The following SPIDR variants were observed in gnomAD, a reference collection of about 807,000 sequenced individuals.
The protein encoded by SPIDR is scaffold protein involved in DNA repair.
In SPIDR, 93 loss-of-function variants were observed where a neutral mutation model predicts 104.6. The ratio of observed to expected loss-of-function variants is 0.89; its 90% CI spans 0.75 to 1.06. SPIDR has a LOEUF of 1.06. Among genes scored for constraint, SPIDR ranks in the 50% least tolerant of loss-of-function variants. The probability of loss-of-function intolerance (pLI) is 0.00; values close to 1 mark genes in which losing one functional copy is unlikely to be tolerated. For missense variants in SPIDR, 1,154 were observed against 1,111.2 expected (o/e 1.04, Z -0.55); for synonymous variants, 431 against 416.9 (o/e 1.03, Z -0.41).
At chr8:47,511,530 G>A (rs181363991) in intron 8 of SPIDR, 18 of 781,666 alleles carry the variant, frequency 2.3e-5, no homozygotes, top group African/African-American at 6.7e-5. Context: ...ACTGGGCATC[G>A]GATGGGTCTC....
At chr8:47,336,120 C>T (rs994114590) in intron 5 of SPIDR, among the ~76,000 whole-genome samples, 5 of 152,046 alleles carry the variant, frequency 3.3e-5, no homozygotes, top group Non-Finnish European at 7.4e-5. Context: ...TTCTTAGATA[C>T]TCTATTTTTT....
chr8:47,600,692 A>T (rs951378779), intron 10 of SPIDR, among the ~76,000 whole-genome samples: 31 of 152,192 alleles, frequency 2.0e-4, no homozygotes, highest in African/African-American at 7.5e-4. Flanking sequence ...AGACAGTTAC[A>T]CATCAGACAT....
At chr8:47,518,669 C>A (rs1426002529) in intron 8 of SPIDR, among the ~76,000 whole-genome samples, 1 of 150,264 alleles carries the variant, frequency 6.7e-6, no homozygotes, top group Non-Finnish European at 1.5e-5. Flanking sequence ...CGGAGTCTTG[C>A]TCTGTCGCCC....
intron 8 of SPIDR, among the ~76,000 whole-genome samples, chr8:47,575,521 C>T (rs1439361924): frequency 1.3e-5 from 2 of 151,382 alleles, no homozygotes; most frequent in East Asian, 3.9e-4. Context: ...GTAGTGGGCG[C>T]CTGTAGTCCC....
intron 10 of SPIDR, among the ~76,000 whole-genome samples, chr8:47,646,033 A>ATATATATGTATG (rs1277254768): frequency 1.3e-5 from 2 of 152,170 alleles, no homozygotes; most frequent in African/African-American, 4.8e-5. Flanking sequence ...CAAATTGAGA[A>ATATATATGTATG]TATATATGTA....
chr8:47,487,031 C>G (rs2077752224), intron 8 of SPIDR, among the ~76,000 whole-genome samples: 1 of 152,120 alleles, frequency 6.6e-6, no homozygotes. Flanking sequence ...GGGCTAAATG[C>G]TCCAATTAAA....
chr8:47,400,412 G>C (rs782122050), intron 6 of SPIDR, among the ~76,000 whole-genome samples: 16 of 152,246 alleles, frequency 1.1e-4, no homozygotes, highest in Non-Finnish European at 1.8e-4. Context: ...GATGTGCTTA[G>C]GGTTGTTAGT....
At chr8:47,555,212 G>A (rs966502246) in intron 8 of SPIDR, among the ~76,000 whole-genome samples, 3 of 152,110 alleles carry the variant, frequency 2.0e-5, no homozygotes, top group Admixed American at 6.5e-5. Flanking sequence ...TAGAAATAAA[G>A]CAATTAGAAT....
chr8:47,546,989 G>C (rs2089511616), intron 8 of SPIDR: 1 of 511,656 alleles, frequency 2.0e-6, no homozygotes, highest in Non-Finnish European at 3.9e-6. Context: ...AAGATCAAGG[G>C]TGCCTCTCTC....
At chr8:47,675,812 C>G (rs578095037) in intron 11 of SPIDR, among the ~76,000 whole-genome samples, 38 of 152,264 alleles carry the variant, frequency 2.5e-4, no homozygotes, top group Non-Finnish European at 5.1e-4. Flanking sequence ...CACTCTATCT[C>G]AAAAAGAAAA....
intron 11 of SPIDR, among the ~76,000 whole-genome samples, chr8:47,692,073 A>G (rs1468296793): frequency 6.6e-6 from 1 of 152,220 alleles, no homozygotes; most frequent in Admixed American, 6.5e-5. Flanking sequence ...AGTTCAAGAA[A>G]GTATAGCAAT....
chr8:47,567,980 G>A (rs1278814259), intron 8 of SPIDR, among the ~76,000 whole-genome samples: 1 of 151,318 alleles, frequency 6.6e-6, no homozygotes, highest in Non-Finnish European at 1.5e-5. Context: ...TAGAGATGGC[G>A]GTCTCATACT....
At chr8:47,596,711 T>G (rs2061657046) in intron 9 of SPIDR, among the ~76,000 whole-genome samples, 1 of 152,204 alleles carries the variant, frequency 6.6e-6, no homozygotes, top group Non-Finnish European at 1.5e-5. Flanking sequence ...CTTTCTAGCT[T>G]TATAAACTTT....
chr8:47,404,349 T>C (rs374203604), intron 6 of SPIDR, among the ~76,000 whole-genome samples: 31 of 152,252 alleles, frequency 2.0e-4, no homozygotes, highest in East Asian at 1.5e-3. Flanking sequence ...AATTGACAAG[T>C]GGGATCTAAT....
Position 47,735,489 on chromosome 8 carries a change from C to T in SPIDR, c.*39C>T. 1 of 1,613,942 alleles carries T rather than the reference C, an allele frequency of 6.2e-7. No homozygotes were observed. Among genetic ancestry groups the T allele is most frequent in the Non-Finnish European group, 8.5e-7 (1 of 1,179,956 alleles). ...ATCTGTGAACTTTGCAATGTGGCTG[C>T]AAGGGTGGTGGTGGTGGTGGTGATT... is the stretch of plus-strand genomic sequence containing the variant. On this transcript the variant is annotated 3_prime_UTR_variant, in exon 20 of 20. Coordinates refer to ENST00000297423, the MANE Select transcript of SPIDR (RefSeq NM_001080394.4).
At chr8:47,554,674 G>C (rs1027506842) in intron 8 of SPIDR, among the ~76,000 whole-genome samples, 2 of 152,150 alleles carry the variant, frequency 1.3e-5, no homozygotes, top group African/African-American at 4.8e-5. Context: ...CTAGGAAAGG[G>C]AATTCCCCGA....
rs752197827 is a variant in SPIDR, at chr8:47,700,422, T to C, written c.1705T>C (p.Leu569=). The part of the protein sequence containing the change: ...TRGRTAGIFS[L]IDTLWPPAIP... ...TTCCAGGACAGCGGGGATTTTCAGT[T>C]TGATTGACACCCTGTGGCCCCCAGC... is the stretch of plus-strand genomic sequence containing the variant. Residue 569 remains leucine, a synonymous_variant, in exon 12 of 20, where the codon TTG becomes CTG. Coordinates refer to ENST00000297423, the MANE Select transcript of SPIDR (RefSeq NM_001080394.4). 2 of 1,614,224 alleles carry C rather than the reference T, an allele frequency of 1.2e-6. No individual in the cohort carries two copies. Among genetic ancestry groups the C allele is most frequent in the Non-Finnish European group, 1.7e-6 (2 of 1,180,042 alleles).
chr8:47,313,759 C>T (rs2044700765), intron 5 of SPIDR, among the ~76,000 whole-genome samples: 5 of 152,202 alleles, frequency 3.3e-5, no homozygotes, highest in Admixed American at 3.3e-4. Context: ...AATAATGCCA[C>T]ATATCTACAA....
chr8:47,624,842 A>G (rs2065787449), intron 10 of SPIDR, among the ~76,000 whole-genome samples: 1 of 152,200 alleles, frequency 6.6e-6, no homozygotes, highest in South Asian at 2.1e-4. Flanking sequence ...TTCTGAAACT[A>G]TTCCAATCAA....
Sources: gnomAD v4.1 joint callset for allele counts (sites outside exome capture counted in the v4.1 genomes callset) on GRCh38, gnomAD v4.1.1 for gene constraint, MANE v1.5 for transcripts, NCBI Gene and HGNC (gene_info 2026-07-23, HGNC 2026-07-21) for gene names.